The following MTUS2 variants were observed in gnomAD, a reference collection of about 807,000 sequenced individuals.
MTUS2 encodes the protein microtubule associated scaffold protein 2, also known as microtubule-associated tumor suppressor candidate 2.
A neutral mutation model predicts 114.1 loss-of-function variants in MTUS2; 40 were observed. That is an observed-to-expected ratio of 0.35 (90% CI 0.27 to 0.46). The LOEUF is 0.46. Among genes scored for constraint, MTUS2 ranks in the 20% least tolerant of loss-of-function variants. The probability of loss-of-function intolerance (pLI) is 1.00; values close to 1 mark genes in which losing one functional copy is unlikely to be tolerated. For synonymous variants in MTUS2, 688 were observed against 672.0 expected (o/e 1.02, Z -0.37); for missense variants, 1,679 against 1,705.4 (o/e 0.98, Z 0.27).
chr13:29,156,290 G>A (rs1196769266), intron 5 of MTUS2, among the ~76,000 whole-genome samples: 3 of 152,160 alleles, frequency 2.0e-5, no homozygotes, highest in African/African-American at 7.2e-5. Context: ...ATAAGTCACA[G>A]TTGAGTCAGA....
chr13:29,502,797 G>A (rs1882993986), intron 15 of MTUS2, among the ~76,000 whole-genome samples, 196 bp from the exon 16 acceptor site: 2 of 152,200 alleles, frequency 1.3e-5, no homozygotes, highest in African/African-American at 4.8e-5. Flanking sequence ...TGGCCAGAGA[G>A]GCTCTGGGAA....
intron 9 of MTUS2, among the ~76,000 whole-genome samples, chr13:29,475,185 T>C (rs9506189): frequency 0.012 from 1,876 of 152,296 alleles, 21 homozygotes; most frequent in Non-Finnish European, 0.02. Context: ...ATAATGCAGC[T>C]GAAAAATTTC....
At chr13:29,415,861 T>C (rs2138570571) in intron 8 of MTUS2, among the ~76,000 whole-genome samples, 1 of 152,218 alleles carries the variant, frequency 6.6e-6, no homozygotes, top group Admixed American at 6.5e-5. Context: ...TTGCACCTTT[T>C]TGAATGTCCA....
chr13:28,903,747 C>G (rs910039807), intron 2 of MTUS2, among the ~76,000 whole-genome samples: 1 of 151,940 alleles, frequency 6.6e-6, no homozygotes, highest in Non-Finnish European at 1.5e-5. Flanking sequence ...TTTATAGCAG[C>G]ATGATTTATA....
chr13:29,292,766 G>A (rs1898771348), intron 6 of MTUS2, among the ~76,000 whole-genome samples: 2 of 151,954 alleles, frequency 1.3e-5, no homozygotes. Context: ...GTAGTTTGCA[G>A]TAAAGGGCAC....
chr13:29,444,062 C>T (rs919512366), intron 9 of MTUS2, among the ~76,000 whole-genome samples: 2 of 152,266 alleles, frequency 1.3e-5, no homozygotes, highest in Admixed American at 6.5e-5. Flanking sequence ...CCCTAAATTC[C>T]ACCAATATCT....
At chr13:29,397,090 A>C (rs1336559928) in intron 8 of MTUS2, among the ~76,000 whole-genome samples, 1 of 152,204 alleles carries the variant, frequency 6.6e-6, no homozygotes, top group Middle Eastern at 3.2e-3. Context: ...GGACCATATC[A>C]AAATGACTGT....
intron 5 of MTUS2, among the ~76,000 whole-genome samples, chr13:29,199,227 T>C (rs1015733827): frequency 5.9e-5 from 9 of 152,220 alleles, no homozygotes; most frequent in African/African-American, 2.2e-4. Context: ...CAATACTATG[T>C]TGAATAGGAG....
intron 2 of MTUS2, among the ~76,000 whole-genome samples, chr13:28,932,228 G>C (rs193144008): frequency 6.6e-6 from 1 of 152,186 alleles, no homozygotes; most frequent in Non-Finnish European, 1.5e-5. Flanking sequence ...ACGGACAATT[G>C]TGTGACCTTA....
chr13:29,033,619 A>T (rs1886927381), intron 3 of MTUS2, among the ~76,000 whole-genome samples: 2 of 152,162 alleles, frequency 1.3e-5, no homozygotes, highest in Non-Finnish European at 1.5e-5. Context: ...CAATGGAATT[A>T]AAAAAATCTT....
intron 7 of MTUS2, among the ~76,000 whole-genome samples, chr13:29,352,865 G>C (rs558824835): frequency 6.6e-6 from 1 of 152,200 alleles, no homozygotes; most frequent in East Asian, 1.9e-4. Flanking sequence ...CATCCTTTCA[G>C]TGTATTTTTC....
chr13:28,878,501 T>C (rs565099276), intron 2 of MTUS2, among the ~76,000 whole-genome samples: 3 of 152,206 alleles, frequency 2.0e-5, no homozygotes, highest in African/African-American at 4.8e-5. Context: ...ACTGTACTTA[T>C]AGGCCCTAGT....
rs1242121849 is a variant in MTUS2 at position 29,317,527 on chromosome 13, T to C, written c.2807-7086T>C. On this transcript the variant is annotated intron_variant, in intron 6 of 15. Transcript: ENST00000612955. ...AATCTCGGCTCACTGCAAGCTCCGC[T>C]TCCCGGGTTCACGCCATTCTCCTGC... 5.3e-4 allele frequency among the ~76,000 whole-genome samples: 9 copies of C among 16,854 alleles called. 3 individuals are homozygous for C. The highest frequency in any genetic ancestry group is 3.8e-3 in the Admixed American group (4 of 1,060). 11.1% of individuals were successfully genotyped at this position (16,854 alleles called of 152,430 possible). A position where few individuals can be genotyped will look rare whatever the true frequency, so the allele number is the denominator to read the frequency against.
chr13:29,296,327 C>T (rs1345201120), intron 6 of MTUS2, among the ~76,000 whole-genome samples: 5 of 152,056 alleles, frequency 3.3e-5, no homozygotes, highest in Non-Finnish European at 7.4e-5. Context: ...GATCCTCCCA[C>T]CTGAGTGGTT....
chr13:29,072,614 T>C (rs1416608315), intron 4 of MTUS2, among the ~76,000 whole-genome samples: 1 of 152,236 alleles, frequency 6.6e-6, no homozygotes, highest in Non-Finnish European at 1.5e-5. Flanking sequence ...CATTTTGAAA[T>C]GCTAAAGCCA....
chr13:28,909,027 G>C (rs1355879447), intron 2 of MTUS2, among the ~76,000 whole-genome samples: 1 of 151,470 alleles, frequency 6.6e-6, no homozygotes, highest in Non-Finnish European at 1.5e-5. Flanking sequence ...TCTGAGGGCT[G>C]TGTTCTGTTC....
intron 9 of MTUS2, among the ~76,000 whole-genome samples, chr13:29,473,220 G>T (rs1245434314): frequency 2.0e-5 from 3 of 151,954 alleles, no homozygotes; most frequent in Non-Finnish European, 4.4e-5. Flanking sequence ...TAAAGCATTT[G>T]CTATGACCTA....
intron 11 of MTUS2, 92 bp from the exon 12 acceptor site, chr13:29,492,554 C>A: frequency 2.1e-6 from 2 of 961,422 alleles, no homozygotes; most frequent in Non-Finnish European, 3.2e-6. Flanking sequence ...ATTTATTTAC[C>A]TGAAGTCACA....
intron 5 of MTUS2, among the ~76,000 whole-genome samples, chr13:29,245,225 G>T (rs1896877451): frequency 6.6e-6 from 1 of 152,126 alleles, no homozygotes; most frequent in Admixed American, 6.5e-5. Context: ...AATTTTACCA[G>T]AAGGTGGTAG....
Sources: allele counts gnomAD v4.1 joint callset (sites outside exome capture counted in the v4.1 genomes callset), GRCh38; gene constraint gnomAD v4.1.1; transcripts MANE v1.5; gene names NCBI Gene and HGNC (gene_info 2026-07-23, HGNC 2026-07-21).